Variants in TNIP1 observed in about 807,000 individuals in gnomAD.
The protein encoded by TNIP1 is TNFAIP3-interacting protein 1.
A neutral mutation model predicts 86.6 loss-of-function variants in TNIP1; 22 were observed. That is an observed-to-expected ratio of 0.25 (90% confidence interval 0.18 to 0.36). The LOEUF (loss-of-function observed/expected upper bound fraction) is 0.36, where lower values mean the gene tolerates loss of function less well. Ranked by LOEUF, TNIP1 falls within the 10% of genes least tolerant of loss-of-function variation. TNIP1 has a pLI of 1.00. For missense variants in TNIP1, 709 were observed against 820.6 expected, an observed-to-expected ratio of 0.86 and a Z score of 1.66; for synonymous variants, 294 against 313.0, an observed-to-expected ratio of 0.94 and a Z score of 0.64.
chr5:151,035,300 C>A (rs1038448966), intron 14 of TNIP1, among the ~76,000 whole-genome samples: 4 of 152,238 alleles, frequency 2.6e-5, no homozygotes, highest in African/African-American at 9.6e-5. Flanking sequence ...TTCACGTGAA[C>A]CTCGCTGCTT....
At chr5:151,040,560 C>T (rs1561818158) in intron 11 of TNIP1, among the ~76,000 whole-genome samples, 1 of 152,146 alleles carries the variant, frequency 6.6e-6, no homozygotes, top group Non-Finnish European at 1.5e-5. Flanking sequence ...CAGGGAAGAG[C>T]CCTCACATTC....
intron 8 of TNIP1, among the ~76,000 whole-genome samples, chr5:151,048,615 T>A (rs759937896): frequency 4.3e-4 from 66 of 152,186 alleles, no homozygotes; most frequent in Non-Finnish European, 7.8e-4. Flanking sequence ...AGCATCTGGC[T>A]CGGGGCATTC....
Position 151,056,772 on chromosome 5 carries a change from A to G in TNIP1, c.621T>C (p.Ile207=). 6.6e-7 allele frequency: 1 copy of G among 1,509,700 alleles called. No individual in the cohort carries two copies. The highest frequency in any genetic ancestry group is 2.6e-5 in the East Asian group (1 of 38,944). The allele number at this position is 1,509,700 out of a possible 1,614,324, so 93.5% of individuals were successfully genotyped here. A position where few individuals can be genotyped will look rare whatever the true frequency, so the allele number is the denominator to read the frequency against. Residue 207 remains isoleucine, a synonymous_variant, in exon 6 of 18, where the codon ATT becomes ATC. Coordinates refer to ENST00000521591, the MANE Select transcript of TNIP1 (RefSeq NM_006058.5). ...KVHKNEQRTS[I]LQTLCEQLRK... is the part of the protein sequence containing the mutation. ...CCCTCCCCACGCGCCTCACCTGCAG[A>G]ATGGAGGTGCGCTGCTCATTCTTGT...
intron 5 of TNIP1, among the ~76,000 whole-genome samples, chr5:151,059,810 AGAGAGAGAGAGAGAGAGAGTGTGT>A (rs1378049551): frequency 2.6e-5 from 3 of 114,720 alleles, no homozygotes; most frequent in African/African-American, 1.3e-4. Context: ...AGAGAGAGAG[AGAGAGAGAGAGAGAGAGAGTGTGT>A]GTGTGTGTGT....
rs746968941 is a variant in TNIP1, at chr5:151,056,925, G to A, written c.468C>T (p.Asn156=). The change falls in exon 6 of 18, where the codon AAC becomes AAT. Residue 156 remains asparagine, a synonymous_variant. Coordinates refer to ENST00000521591, the MANE Select transcript of TNIP1 (RefSeq NM_006058.5). ...CCAGGCGCTGCAGGTGCAGCATCAGGTTGCCGTCCTCACGGGGCAGGGGGC... is the reference window on the plus strand; with the variant it reads ...CCAGGCGCTGCAGGTGCAGCATCAGATTGCCGTCCTCACGGGGCAGGGGGC... ...ALGPLPREDG[N]LMLHLQRLET... is the part of the protein sequence containing the mutation. 1.9e-6 allele frequency: 3 copies of A among 1,576,542 alleles called. No homozygotes were observed. Among genetic ancestry groups the A allele is most frequent in the East Asian group, 4.8e-5 (2 of 41,474 alleles).
At chr5:151,080,271 A>G (rs1763854713) in intron 1 of TNIP1, 1 of 152,256 alleles carries the variant, frequency 6.6e-6, no homozygotes. Context: ...GAAATAGTAT[A>G]GTAGGAACTC....
At position 151,045,918 on chromosome 5, in the gene TNIP1, C is replaced by A. The variant is rs1033390926; in HGVS notation, c.879G>T (p.Val293=). ...TCTTCTCGGCTGCGCCCAAGGCCAC[C>A]ACCTCTGGGACCTTACCTGCCGTCA... is the stretch of plus-strand genomic sequence containing the variant. ...ASVTAGKVPE[V]VALGAAEKKV... Residue 293 remains valine (V), a synonymous_variant, in exon 9 of 18, where the codon GTG becomes GTT. Transcript: ENST00000521591. 2.5e-6 allele frequency: 4 copies of A among 1,614,054 alleles called. No homozygotes were observed. Among genetic ancestry groups the A allele is most frequent in the Non-Finnish European group, 3.4e-6 (4 of 1,180,040 alleles).
intron 1 of TNIP1, among the ~76,000 whole-genome samples, chr5:151,071,233 C>T (rs531148992): frequency 3.9e-4 from 60 of 152,180 alleles, no homozygotes; most frequent in Admixed American, 1.3e-3. Flanking sequence ...CGCACCCTGG[C>T]ATCCTCACCA....
chr5:151,058,096 T>C (rs1334122824), intron 5 of TNIP1, among the ~76,000 whole-genome samples: 1 of 152,230 alleles, frequency 6.6e-6, no homozygotes. Flanking sequence ...AATTTTTGTA[T>C]TTTTAGTTGA....
At chr5:151,081,632 T>G (rs1764035099), upstream of TNIP1, among the ~76,000 whole-genome samples, 1 of 152,254 alleles carries the variant, frequency 6.6e-6, no homozygotes, top group South Asian at 2.1e-4. Flanking sequence ...GTAGATGCTT[T>G]GCGTGCATTA....
chr5:151,077,770 A>G (rs533229266), intron 1 of TNIP1, among the ~76,000 whole-genome samples: 1 of 152,348 alleles, frequency 6.6e-6, no homozygotes, highest in East Asian at 1.9e-4. Flanking sequence ...ATTGTGATGC[A>G]TGCTCATGTT....
intron 7 of TNIP1, 95 bp from the exon 8 acceptor site, chr5:151,050,042 G>A: frequency 6.4e-7 from 1 of 1,566,370 alleles, no homozygotes; most frequent in Middle Eastern, 1.7e-4. Context: ...AGTTGCAGCT[G>A]AGCCCCAGGG....
At position 151,063,549 on chromosome 5, in the gene TNIP1, C is replaced by T; in HGVS notation, c.271+64G>A. ...GGTTTTGGCATAAGAAGGGAGTTCA[C>T]TGTGAAGGATTTGGGCAGTTTGGGG... On this transcript the variant is annotated intron_variant, in intron 3 of 17. Transcript: ENST00000521591. 3.2e-6 allele frequency: 5 copies of T among 1,582,572 alleles called. No homozygotes were observed. The South Asian group carries it at 4.5e-5, about 14-fold the overall frequency.
intron 9 of TNIP1, 102 bp downstream of exon 9, chr5:151,045,759 G>T: frequency 1.7e-6 from 2 of 1,171,746 alleles, no homozygotes; most frequent in Admixed American, 1.7e-5. Flanking sequence ...TCCTCATGGT[G>T]ACCTGGGACC....
intron 11 of TNIP1, among the ~76,000 whole-genome samples, chr5:151,040,911 T>C (rs1031797009): frequency 1.3e-5 from 2 of 152,186 alleles, no homozygotes; most frequent in Non-Finnish European, 2.9e-5. Flanking sequence ...GCCTTTCCTC[T>C]TTAAGCTGCT....
chr5:151,071,438 C>T (rs1762818018), intron 1 of TNIP1, among the ~76,000 whole-genome samples: 1 of 152,174 alleles, frequency 6.6e-6, no homozygotes, highest in South Asian at 2.1e-4. Context: ...ATAGTAATAA[C>T]ATGGGGGGTT....
At chr5:151,035,386 A>G (rs999420460) in intron 14 of TNIP1, among the ~76,000 whole-genome samples, 196 bp downstream of exon 14, 6 of 152,238 alleles carry the variant, frequency 3.9e-5, no homozygotes, top group African/African-American at 7.2e-5. Context: ...AGGTAGAGAT[A>G]TCTTAGAGTA....
intron 11 of TNIP1, among the ~76,000 whole-genome samples, 153 bp downstream of exon 11, chr5:151,042,387 C>T (rs377612293): frequency 1.3e-5 from 2 of 152,182 alleles, no homozygotes; most frequent in African/African-American, 4.8e-5. Flanking sequence ...AACTGCAGTG[C>T]AGGGAAGGAA....
intron 4 of TNIP1, among the ~76,000 whole-genome samples, chr5:151,061,695 C>G (rs1761592326): frequency 6.6e-6 from 1 of 152,156 alleles, no homozygotes; most frequent in Admixed American, 6.5e-5. Context: ...CCAGGCTGGT[C>G]TCAAACTCCT....
Sources: gnomAD v4.1 joint callset for allele counts (sites outside exome capture counted in the v4.1 genomes callset) on GRCh38, gnomAD v4.1.1 for gene constraint, MANE v1.5 for transcripts, NCBI Gene and HGNC (gene_info 2026-07-23, HGNC 2026-07-21) for gene names.